The following MEOX2 variants were observed in gnomAD, a reference collection of about 807,000 sequenced individuals.
The protein encoded by MEOX2 is homeobox protein MOX-2.
In MEOX2, 11 loss-of-function variants were observed where a neutral mutation model predicts 27.0. The observed-to-expected ratio is 0.41, with a 90% CI of 0.26 to 0.68. The LOEUF (loss-of-function observed/expected upper bound fraction) is 0.68. Ranked by LOEUF, MEOX2 falls within the 30% of genes least tolerant of loss-of-function variation. MEOX2 has a pLI of 0.33. For synonymous variants in MEOX2, 189 were observed against 155.4 expected, an observed-to-expected ratio of 1.22 and a Z score of -1.61; for missense variants, 436 against 385.4, an observed-to-expected ratio of 1.13 and a Z score of -1.10.
intron 1 of MEOX2, among the ~76,000 whole-genome samples, chr7:15,651,721 T>C (rs952868387): frequency 6.6e-6 from 1 of 151,960 alleles, no homozygotes; most frequent in Non-Finnish European, 1.5e-5. Context: ...GTCCAAGTGT[T>C]CTATTTTGAA....
rs541710925 is a variant in MEOX2, at chr7:15,648,594, A to C, written c.518-21676T>G. Reference sequence around the variant, plus strand: ...ATAAAACTGTCTCCACATTCCATAAAAATGCCATGGTGCTTCAGGAAAAAT... The same window carrying C: ...ATAAAACTGTCTCCACATTCCATAACAATGCCATGGTGCTTCAGGAAAAAT... On this transcript the variant is annotated intron_variant, in intron 1 of 2. Transcript: ENST00000262041. Among the ~76,000 whole-genome samples, 6 of 152,194 alleles carry C rather than the reference A, an allele frequency of 3.9e-5. No individual in the cohort carries two copies. In the East Asian group the frequency reaches 9.7e-4, roughly 25 times the overall value.
In MEOX2 at chr7:15,619,584, T is replaced by TTG. The variant is rs533091676; in HGVS notation, c.691-6975_691-6974dup. Among the ~76,000 whole-genome samples, 27 of 151,696 alleles carry TTG rather than the reference T, an allele frequency of 1.8e-4. No homozygotes were observed. In the East Asian group the frequency reaches 2.5e-3, roughly 14 times the overall value. On this transcript the variant is annotated intron_variant, in intron 2 of 2. Coordinates refer to ENST00000262041, the MANE Select transcript of MEOX2 (RefSeq NM_005924.5). ...TCTCTAAAATAAAGGCTCATTTTATTTGTGTGTGTGTGTATATATACACAT... is the reference window on the plus strand; with the variant it reads ...TCTCTAAAATAAAGGCTCATTTTATTTGTGTGTGTGTGTGTATATATACACAT...
At chr7:15,672,091 TA>T (rs36039604) in intron 1 of MEOX2, among the ~76,000 whole-genome samples, 1 of 149,432 alleles carries the variant, frequency 6.7e-6, no homozygotes, top group Non-Finnish European at 1.5e-5. Context: ...AGACTCCGTT[TA>T]AAAAAAAACA....
intron 1 of MEOX2, among the ~76,000 whole-genome samples, chr7:15,630,575 T>C (rs572180540): frequency 1.3e-5 from 2 of 152,172 alleles, no homozygotes; most frequent in African/African-American, 4.8e-5. Context: ...CTTGGACTAA[T>C]ATAAATTCTA....
At chr7:15,641,032 G>C (rs1781551866) in intron 1 of MEOX2, among the ~76,000 whole-genome samples, 1 of 151,878 alleles carries the variant, frequency 6.6e-6, no homozygotes, top group Admixed American at 6.6e-5. Flanking sequence ...TGATATCGTG[G>C]TAGGATGAGT....
chr7:15,621,791 G>C (rs574344853), intron 2 of MEOX2, among the ~76,000 whole-genome samples: 1 of 152,128 alleles, frequency 6.6e-6, no homozygotes, highest in South Asian at 2.1e-4. Context: ...TGTAAAGTAA[G>C]TTTTCATTTA....
rs201179928 is a variant in MEOX2 at position 15,686,061 on chromosome 7, A to G, written c.342T>C (p.Ser114=). The change falls in exon 1 of 3, where the codon TCT becomes TCC. Residue 114 remains serine (S), a synonymous_variant. Coordinates refer to ENST00000262041, the MANE Select transcript of MEOX2 (RefSeq NM_005924.5). ...ARHSLCLQPD[S]GGPPELGSSP... ...TGCTCCCCAACTCTGGGGGCCCTCC[A>G]GAGTCGGGCTGGAGGCAGAGGCTGT... 1.7e-4 allele frequency: 272 copies of G among 1,600,512 alleles called. No individual in the cohort carries two copies. The highest frequency in any genetic ancestry group is 3.3e-4 in the Middle Eastern group (2 of 6,012).
chr7:15,667,732 CTAAGGTTAA>C (rs1213496109), intron 1 of MEOX2, among the ~76,000 whole-genome samples: 2 of 151,936 alleles, frequency 1.3e-5, no homozygotes, highest in African/African-American at 2.4e-5. Flanking sequence ...AATGTGCTTC[CTAAGGTTAA>C]TAAGTGATTT....
rs767223598 is a variant in MEOX2 at position 15,612,625 on chromosome 7, A to G, written c.691-14T>C. The G allele has an allele frequency of 2.1e-5, 33 of 1,608,248 alleles. No homozygotes were observed. In the African/African-American group the frequency reaches 3.9e-4, roughly 19 times the overall value. On this transcript the variant is annotated splice_polypyrimidine_tract_variant and intron_variant, in intron 2 of 2. Coordinates refer to ENST00000262041, the MANE Select transcript of MEOX2 (RefSeq NM_005924.5). The stretch of plus-strand genomic sequence containing the variant: ...CCAGACTTTCACCTTCAACCAAGAA[A>G]GGGAACAAACAAACAGAAAAAAAGA...
rs374116260 is a variant in MEOX2, at chr7:15,668,933, C to T, written c.517+16953G>A. 1.3e-4 allele frequency among the ~76,000 whole-genome samples: 20 copies of T among 152,302 alleles called. No homozygotes were observed. The South Asian group carries it at 3.1e-3, about 24-fold the overall frequency. ...CTCTAATAGGGATGCTATACATACG[C>T]AAACTATTTCTTCTAAGTGGTTTCT... On this transcript the variant is annotated intron_variant, in intron 1 of 2. Coordinates refer to ENST00000262041, the MANE Select transcript of MEOX2 (RefSeq NM_005924.5).
chr7:15,658,351 A>G (rs1781856140), intron 1 of MEOX2, among the ~76,000 whole-genome samples: 1 of 151,972 alleles, frequency 6.6e-6, no homozygotes, highest in African/African-American at 2.4e-5. Context: ...CAGCCATGGG[A>G]TTTTTTCCTA....
intron 2 of MEOX2, 147 bp from the exon 3 acceptor site, chr7:15,612,758 G>T: frequency 1.5e-6 from 1 of 645,900 alleles, no homozygotes; most frequent in Non-Finnish European, 2.7e-6. Flanking sequence ...ATAAATCCAC[G>T]TTGAATTTAA....
chr7:15,620,911 C>T lies in MEOX2; in HGVS notation c.690+5835G>A, dbSNP rs148173102. Among the ~76,000 whole-genome samples, 28 of 152,228 alleles carry T rather than the reference C, an allele frequency of 1.8e-4. No individual in the cohort carries two copies. In the East Asian group the frequency reaches 5.2e-3, roughly 28 times the overall value. On this transcript the variant is annotated intron_variant, in intron 2 of 2. Coordinates refer to ENST00000262041, the MANE Select transcript of MEOX2 (RefSeq NM_005924.5). Reference sequence around the variant, plus strand: ...AAGATGTTTTGAAGTGAAAGGATCTCCCATTCTGTCTATATTTGGCAGCCT... The same window carrying T: ...AAGATGTTTTGAAGTGAAAGGATCTTCCATTCTGTCTATATTTGGCAGCCT...
At chr7:15,671,457 A>G (rs967160399) in intron 1 of MEOX2, among the ~76,000 whole-genome samples, 3 of 152,322 alleles carry the variant, frequency 2.0e-5, no homozygotes, top group Non-Finnish European at 2.9e-5. Flanking sequence ...TGCTAACTCA[A>G]TTGCACAAGT....
chr7:15,661,474 C>G (rs1781916335), intron 1 of MEOX2, among the ~76,000 whole-genome samples: 1 of 152,074 alleles, frequency 6.6e-6, no homozygotes. Flanking sequence ...ATGCGTTTTG[C>G]TTTTAAAATC....
chr7:15,660,509 A>C (rs949282263), intron 1 of MEOX2, among the ~76,000 whole-genome samples: 1 of 152,070 alleles, frequency 6.6e-6, no homozygotes, highest in Non-Finnish European at 1.5e-5. Flanking sequence ...TTTGCATCGT[A>C]AGATATTTAG....
chr7:15,644,437 A>G (rs1249455613), intron 1 of MEOX2, among the ~76,000 whole-genome samples: 1 of 152,172 alleles, frequency 6.6e-6, no homozygotes, highest in Non-Finnish European at 1.5e-5. Context: ...AGTGTTTCAC[A>G]AGGAATCTAA....
intron 1 of MEOX2, among the ~76,000 whole-genome samples, chr7:15,644,236 G>A (rs1781608225): frequency 6.6e-6 from 1 of 152,196 alleles, no homozygotes. Flanking sequence ...GGCCTACCTA[G>A]GTTCAAGCAG....
At chr7:15,632,281 C>G (rs574718010) in intron 1 of MEOX2, among the ~76,000 whole-genome samples, 8 of 151,888 alleles carry the variant, frequency 5.3e-5, no homozygotes, top group African/African-American at 1.9e-4. Flanking sequence ...GTACATAACT[C>G]ATTTTAATTC....
Sources: gnomAD v4.1 joint callset for allele counts (sites outside exome capture counted in the v4.1 genomes callset) on GRCh38, gnomAD v4.1.1 for gene constraint, MANE v1.5 for transcripts, NCBI Gene and HGNC (gene_info 2026-07-23, HGNC 2026-07-21) for gene names.